RAB3C: variants seen among roughly 807,000 people sequenced by gnomAD.
The protein encoded by RAB3C is RAB3C, member RAS oncogene family.
RAB3C carries 17 observed loss-of-function variants against 26.4 expected under a neutral mutation model. The ratio of observed to expected loss-of-function variants is 0.64; its 90% CI spans 0.44 to 0.97. The LOEUF is 0.97. Among genes scored for constraint, RAB3C ranks in the 50% least tolerant of loss-of-function variants. The pLI, the probability that RAB3C is intolerant of heterozygous loss-of-function variation, is 0.00. For missense variants in RAB3C, 242 were observed against 281.9 expected, an observed-to-expected ratio of 0.86 and a Z score of 1.01; for synonymous variants, 91 against 95.9, an observed-to-expected ratio of 0.95 and a Z score of 0.30.
At chr5:58,620,215 G>C (rs1297110006) in intron 2 of RAB3C, among the ~76,000 whole-genome samples, 1 of 152,050 alleles carries the variant, frequency 6.6e-6, no homozygotes, top group African/African-American at 2.4e-5. Context: ...TTCCCCCATC[G>C]TCAGTCACAA....
At chr5:58,677,976 T>TTGTGTGTGTGTGTGTGTGTGTGTG (rs70973149) in intron 2 of RAB3C, among the ~76,000 whole-genome samples, 33 of 147,886 alleles carry the variant, frequency 2.2e-4, no homozygotes, top group South Asian at 2.2e-3. Flanking sequence ...CTAGATTATT[T>TTGTGTGTGTGTGTGTGTGTGTGTG]TGTGTGTGTG....
intron 3 of RAB3C, among the ~76,000 whole-genome samples, chr5:58,791,309 A>C (rs1386218863): frequency 6.6e-6 from 1 of 152,170 alleles, no homozygotes. Context: ...CCAAGGAATC[A>C]AGAGAGAGTT....
intron 2 of RAB3C, among the ~76,000 whole-genome samples, chr5:58,647,462 C>T: frequency 7.3e-6 from 1 of 137,000 alleles, no homozygotes; most frequent in East Asian, 2.2e-4. Context: ...GGGAACCACG[C>T]CCATGATCCA....
intron 3 of RAB3C, among the ~76,000 whole-genome samples, chr5:58,733,686 A>G (rs1053330080): frequency 6.6e-6 from 1 of 152,230 alleles, no homozygotes; most frequent in African/African-American, 2.4e-5. Context: ...AAGTAAGTAT[A>G]GAAATACCAG....
intron 2 of RAB3C, among the ~76,000 whole-genome samples, chr5:58,665,662 A>G (rs1747987440): frequency 6.6e-6 from 1 of 152,124 alleles, no homozygotes; most frequent in Non-Finnish European, 1.5e-5. Flanking sequence ...CTTGTTTTGG[A>G]AAAAATCATC....
intron 2 of RAB3C, among the ~76,000 whole-genome samples, chr5:58,714,600 A>C (rs1313055179): frequency 2.0e-5 from 3 of 152,120 alleles, no homozygotes; most frequent in Non-Finnish European, 4.4e-5. Context: ...GGGAGTAAAA[A>C]ATCAAGGTAG....
intron 1 of RAB3C, among the ~76,000 whole-genome samples, chr5:58,600,765 A>C (rs290568): frequency 2.2e-4 from 34 of 152,164 alleles, no homozygotes; most frequent in Admixed American, 1.2e-3. Context: ...TAGGGTTTTC[A>C]AGGTAAACTA....
At position 58,652,452 on chromosome 5, in the gene RAB3C, A is replaced by G. The variant is rs147262785; in HGVS notation, c.252+34582A>G. Among the ~76,000 whole-genome samples, 1,359 of 151,606 alleles carry G rather than the reference A, an allele frequency of 9.0e-3. 12 individuals are homozygous for G. The highest frequency in any genetic ancestry group is 0.015 in the Non-Finnish European group (991 of 67,824). The stretch of plus-strand genomic sequence containing the variant: ...TTTTTCTTAAAATGTAATGAGTTAT[A>G]TTTTTTCTTTTCTCCATTGTCTACT... On this transcript the variant is annotated intron_variant, in intron 2 of 4. Coordinates refer to ENST00000282878, the MANE Select transcript of RAB3C (RefSeq NM_138453.4).
intron 2 of RAB3C, among the ~76,000 whole-genome samples, chr5:58,704,300 T>C (rs1470210854): frequency 6.6e-6 from 1 of 152,202 alleles, no homozygotes; most frequent in Non-Finnish European, 1.5e-5. Flanking sequence ...AGCCATGAAA[T>C]CTCCTTTGCT....
intron 2 of RAB3C, among the ~76,000 whole-genome samples, chr5:58,628,839 G>T (rs1020883534): frequency 1.4e-4 from 21 of 152,002 alleles, no homozygotes; most frequent in Non-Finnish European, 2.4e-4. Flanking sequence ...CACAACAACA[G>T]CCGACCCACA....
At chr5:58,616,993 C>T (rs181947600) in intron 1 of RAB3C, among the ~76,000 whole-genome samples, 6 of 152,178 alleles carry the variant, frequency 3.9e-5, no homozygotes, top group Admixed American at 3.9e-4. Flanking sequence ...CTCTGGGCCT[C>T]AATTTTCTCA....
intron 3 of RAB3C, among the ~76,000 whole-genome samples, chr5:58,773,547 T>G (rs1293544254): frequency 1.3e-5 from 2 of 152,100 alleles, no homozygotes; most frequent in East Asian, 1.9e-4. Context: ...GAATAATTTG[T>G]GAGGAGTCAG....
chr5:58,653,266 T>G (rs1747697122), intron 2 of RAB3C, among the ~76,000 whole-genome samples: 2 of 152,170 alleles, frequency 1.3e-5, no homozygotes, highest in African/African-American at 4.8e-5. Flanking sequence ...TCACGCCAGT[T>G]AGAATGGTGA....
At chr5:58,672,495 T>C (rs1748140832) in intron 2 of RAB3C, among the ~76,000 whole-genome samples, 2 of 152,194 alleles carry the variant, frequency 1.3e-5, no homozygotes, top group Non-Finnish European at 2.9e-5. Context: ...GAAGGTCATA[T>C]CTATGTCCAG....
intron 3 of RAB3C, among the ~76,000 whole-genome samples, chr5:58,734,535 C>A (rs1320705377): frequency 6.6e-6 from 1 of 152,082 alleles, no homozygotes; most frequent in Non-Finnish European, 1.5e-5. Context: ...TCGGACCCAA[C>A]CATAGAACAT....
intron 2 of RAB3C, among the ~76,000 whole-genome samples, chr5:58,687,414 TTAGA>T (rs1748466446): frequency 1.3e-5 from 2 of 152,052 alleles, no homozygotes; most frequent in Admixed American, 1.3e-4. Flanking sequence ...CAGATATGAA[TTAGA>T]TAGAATAGGG....
intron 2 of RAB3C, among the ~76,000 whole-genome samples, chr5:58,682,448 G>T (rs903252073): frequency 2.6e-5 from 4 of 152,152 alleles, no homozygotes; most frequent in African/African-American, 9.7e-5. Context: ...ACTTTGGGAG[G>T]CTGAGGCAGG....
At position 58,617,774 on chromosome 5, in the gene RAB3C, T is replaced by C. The variant is rs1371154953; in HGVS notation, c.156T>C (p.Asp52=). The change falls in exon 2 of 5, where the codon GAT becomes GAC. Residue 52 remains aspartate (D), a synonymous_variant. Coordinates refer to ENST00000282878, the MANE Select transcript of RAB3C (RefSeq NM_138453.4). The stretch of plus-strand genomic sequence containing the variant: ...CATCTTTTCTATTCCGTTATGCAGA[T>C]GACTCCTTTACATCTGCATTCGTCA... ...GKTSFLFRYA[D]DSFTSAFVST... is the part of the protein sequence containing the mutation. 1 of 1,613,880 alleles carries C rather than the reference T, an allele frequency of 6.2e-7. No homozygotes were observed. Among genetic ancestry groups the C allele is most frequent in the Admixed American group, 1.7e-5 (1 of 59,946 alleles).
At chr5:58,617,298 A>C (rs2111721817) in intron 1 of RAB3C, among the ~76,000 whole-genome samples, 1 of 152,282 alleles carries the variant, frequency 6.6e-6, no homozygotes, top group South Asian at 2.1e-4. Flanking sequence ...AGGATTATAA[A>C]GTTTCAGAGC....
Sources: allele counts gnomAD v4.1 joint callset (sites outside exome capture counted in the v4.1 genomes callset), GRCh38; gene constraint gnomAD v4.1.1; transcripts MANE v1.5; gene names NCBI Gene and HGNC (gene_info 2026-07-23, HGNC 2026-07-21).